Variants in RYR2 observed in about 807,000 individuals in gnomAD.
RYR2 encodes ryanodine receptor 2.
RYR2 carries 227 observed loss-of-function variants against 601.1 expected under a neutral mutation model. The observed-to-expected ratio is 0.38, with a 90% CI of 0.34 to 0.42. RYR2 has a LOEUF of 0.42. Among genes scored for constraint, RYR2 ranks in the 10% least tolerant of loss-of-function variants. The probability of loss-of-function intolerance (pLI) is 1.00; values close to 1 mark genes in which losing one functional copy is unlikely to be tolerated. For synonymous variants in RYR2, 2,223 were observed against 2,175.1 expected (o/e 1.02, Z -0.61); for missense variants, 4,646 against 6,156.5 (o/e 0.75, Z 8.21).
intron 1 of RYR2, among the ~76,000 whole-genome samples, chr1:237,222,152 C>T (rs1683859236): frequency 6.6e-6 from 1 of 151,940 alleles, no homozygotes; most frequent in Non-Finnish European, 1.5e-5. Flanking sequence ...CGGTGGCTCA[C>T]ACCTGTAATC....
chr1:237,530,552 G>A, intron 25 of RYR2, 42 bp downstream of exon 25: 1 of 1,392,506 alleles, frequency 7.2e-7, no homozygotes, highest in Admixed American at 1.9e-5. Context: ...TCTGTGTAGA[G>A]ATTTAGTGCA....
chr1:237,342,787 A>G (rs991892129), intron 3 of RYR2, among the ~76,000 whole-genome samples: 1 of 152,198 alleles, frequency 6.6e-6, no homozygotes, highest in Non-Finnish European at 1.5e-5. Context: ...AAAAAGTACA[A>G]AGAGCAGCGC....
At chr1:237,343,521 CAAT>C (rs1273657674) in intron 3 of RYR2, among the ~76,000 whole-genome samples, 1 of 151,676 alleles carries the variant, frequency 6.6e-6, no homozygotes, top group Non-Finnish European at 1.5e-5. Flanking sequence ...TATAAACACT[CAAT>C]AAGTGATTTT....
intron 17 of RYR2, among the ~76,000 whole-genome samples, chr1:237,486,690 T>C (rs1324580225): frequency 6.6e-6 from 1 of 152,180 alleles, no homozygotes; most frequent in African/African-American, 2.4e-5. Context: ...TTACTTCCTA[T>C]TGTTTTATGA....
chr1:237,151,752 T>C (rs1674726638), intron 1 of RYR2, among the ~76,000 whole-genome samples: 1 of 152,182 alleles, frequency 6.6e-6, no homozygotes, highest in African/African-American at 2.4e-5. Context: ...CAACACCCTT[T>C]AGGAAATGGT....
At chr1:237,538,156 G>T (rs1019874249) in intron 25 of RYR2, among the ~76,000 whole-genome samples, 1 of 151,328 alleles carries the variant, frequency 6.6e-6, no homozygotes, top group African/African-American at 2.4e-5. Context: ...TTGGGAAGTC[G>T]AGGTGGGCAG....
intron 14 of RYR2, among the ~76,000 whole-genome samples, chr1:237,453,140 C>A (rs974574500): frequency 6.6e-6 from 1 of 151,946 alleles, no homozygotes; most frequent in Admixed American, 6.6e-5. Flanking sequence ...TACTTCACTG[C>A]ATGTGAATTA....
At chr1:237,073,757 G>C (rs1664666292) in intron 1 of RYR2, among the ~76,000 whole-genome samples, 2 of 151,100 alleles carry the variant, frequency 1.3e-5, no homozygotes, top group Non-Finnish European at 2.9e-5. Flanking sequence ...TGTAGTCCCA[G>C]CTACTCAGGA....
intron 101 of RYR2, among the ~76,000 whole-genome samples, chr1:237,825,368 A>G (rs1462134296): frequency 6.6e-6 from 1 of 152,192 alleles, no homozygotes; most frequent in Admixed American, 6.5e-5. Flanking sequence ...CCACACATCT[A>G]CAACTATCTG....
chr1:237,194,334 AT>A (rs1286628579), intron 1 of RYR2, among the ~76,000 whole-genome samples: 4 of 152,158 alleles, frequency 2.6e-5, no homozygotes, highest in African/African-American at 9.7e-5. Context: ...ATATTAATGA[AT>A]TCATTATTTA....
intron 38 of RYR2, among the ~76,000 whole-genome samples, chr1:237,622,990 A>G (rs1009491028): frequency 6.6e-6 from 1 of 152,074 alleles, no homozygotes; most frequent in Non-Finnish European, 1.5e-5. Context: ...TTTCAATTAT[A>G]TTTTTCCTTC....
At chr1:237,758,527 C>T (rs367694677) in intron 82 of RYR2, among the ~76,000 whole-genome samples, 3 of 152,044 alleles carry the variant, frequency 2.0e-5, no homozygotes, top group East Asian at 1.9e-4. Context: ...ACCTACACTA[C>T]GTGTATATTT....
rs559656754 is a variant in RYR2 at position 237,598,349 on chromosome 1, G to C, written c.4596+2692G>C. On this transcript the variant is annotated intron_variant, in intron 34 of 104. Coordinates refer to ENST00000366574, the MANE Select transcript of RYR2 (RefSeq NM_001035.3). ...TTACAGAACATTCTGTGCAACAGAT[G>C]TATAGCTGAAGAATACACATTATTC... Among the ~76,000 whole-genome samples, 21 of 152,292 alleles carry C rather than the reference G, an allele frequency of 1.4e-4. No individual in the cohort carries two copies. In the South Asian group the frequency reaches 4.3e-3, roughly 32 times the overall value.
intron 42 of RYR2, 73 bp downstream of exon 42, chr1:237,631,614 T>C (rs958715479): frequency 1.9e-5 from 1 of 53,982 alleles, no homozygotes; most frequent in Non-Finnish European, 2.7e-5. Flanking sequence ...AGAATGCAGA[T>C]TTTTTTTTTT....
rs74822189 is a variant in RYR2 at position 237,502,582 on chromosome 1, C to G, written c.2397-707C>G. ...CATAGGGAATGAGCAACCCAGATCC[C>G]TCACAGACACAGTTCACAATAGGGT... On this transcript the variant is annotated intron_variant, in intron 21 of 104. Transcript: ENST00000366574. Among the ~76,000 whole-genome samples, 1,509 of 152,182 alleles carry G rather than the reference C, an allele frequency of 9.9e-3. 28 individuals carry two copies. The highest frequency in any genetic ancestry group is 0.032 in the African/African-American group (1,344 of 41,520).
At chr1:237,627,774 T>C in intron 40 of RYR2, 33 bp from the exon 41 acceptor site, 1 of 1,533,752 alleles carries the variant, frequency 6.5e-7, no homozygotes, top group Non-Finnish European at 8.8e-7. Flanking sequence ...TCTCTTATTT[T>C]TCTTTTAAAA....
chr1:237,461,968 C>A (rs1308580042), intron 16 of RYR2, among the ~76,000 whole-genome samples: 5 of 151,998 alleles, frequency 3.3e-5, no homozygotes, highest in African/African-American at 1.2e-4. Flanking sequence ...ACTTCAGAAC[C>A]ATATGCTGCC....
chr1:237,247,128 T>C (rs2149258020), intron 1 of RYR2, among the ~76,000 whole-genome samples: 1 of 152,344 alleles, frequency 6.6e-6, no homozygotes, highest in East Asian at 1.9e-4. Flanking sequence ...CATCTTTTAA[T>C]GATTCCTGCC....
intron 16 of RYR2, among the ~76,000 whole-genome samples, chr1:237,462,319 T>C (rs538963847): frequency 6.6e-6 from 1 of 152,312 alleles, no homozygotes; most frequent in African/African-American, 2.4e-5. Flanking sequence ...ATAACAATTT[T>C]GCATTCGACA....
Sources: allele counts gnomAD v4.1 joint callset (sites outside exome capture counted in the v4.1 genomes callset), GRCh38; gene constraint gnomAD v4.1.1; transcripts MANE v1.5; gene names NCBI Gene and HGNC (gene_info 2026-07-23, HGNC 2026-07-21).